Variants in WNK2 observed in about 807,000 individuals in gnomAD.
The protein encoded by WNK2 is WNK lysine deficient protein kinase 2.
A neutral mutation model predicts 192.1 loss-of-function variants in WNK2; 67 were observed. The ratio of observed to expected loss-of-function variants is 0.35; its 90% CI spans 0.29 to 0.43. The LOEUF is 0.43. Among genes scored for constraint, WNK2 ranks in the 20% least tolerant of loss-of-function variants. The pLI is 1.00. For synonymous variants in WNK2, 1,439 were observed against 1,393.9 expected, an observed-to-expected ratio of 1.03 and a Z score of -0.72; for missense variants, 2,698 against 3,089.7, an observed-to-expected ratio of 0.87 and a Z score of 3.01.
chr9:93,198,364 CAGG>C (rs1281907878), intron 2 of WNK2, among the ~76,000 whole-genome samples: 3 of 152,218 alleles, frequency 2.0e-5, no homozygotes, highest in African/African-American at 7.2e-5. Flanking sequence ...GGCTTGCTGG[CAGG>C]AGGAGGCTGA....
intron 19 of WNK2, among the ~76,000 whole-genome samples, chr9:93,280,621 C>G (rs528913733): frequency 6.6e-6 from 1 of 152,164 alleles, no homozygotes; most frequent in Non-Finnish European, 1.5e-5. Flanking sequence ...CTTCACATTT[C>G]TTGAGTTGAA....
intron 28 of WNK2, chr9:93,309,027 C>A: frequency 3.0e-6 from 3 of 1,000,038 alleles, no homozygotes; most frequent in Non-Finnish European, 3.6e-6. Flanking sequence ...GCACCTGAGC[C>A]AATGTGGGGC....
intron 19 of WNK2, 138 bp from the exon 20 acceptor site, chr9:93,288,650 C>A (rs943745365): frequency 2.2e-6 from 2 of 898,672 alleles, no homozygotes; most frequent in Non-Finnish European, 3.3e-6. Context: ...AGGCAGGAGC[C>A]TGGCGTGTCG....
At chr9:93,319,532 G>T (rs565268408) in intron 29 of WNK2, among the ~76,000 whole-genome samples, 4 of 152,360 alleles carry the variant, frequency 2.6e-5, no homozygotes, top group African/African-American at 9.6e-5. Flanking sequence ...CAGTGCCACG[G>T]GCTGTGACCA....
At position 93,299,272 on chromosome 9, in the gene WNK2, G is replaced by T; in HGVS notation, c.6115+11G>T. The T allele has an allele frequency of 6.4e-7, 1 of 1,553,136 alleles. No individual in the cohort carries two copies. The highest frequency in any genetic ancestry group is 1.8e-5 in the Admixed American group (1 of 55,896). ...GAGCGCGTGGCCAAGGTGATTTCCAGCTTGCCTGTCTCCGAGCATGTGCTA... is the reference window on the plus strand; with the variant it reads ...GAGCGCGTGGCCAAGGTGATTTCCATCTTGCCTGTCTCCGAGCATGTGCTA... On this transcript the variant is annotated intron_variant, in intron 25 of 29. Transcript: ENST00000427277.
chr9:93,289,066 G>C lies in WNK2; in HGVS notation c.4312G>C (p.Glu1438Gln). 2 of 1,607,338 alleles carry C rather than the reference G, an allele frequency of 1.2e-6. No individual in the cohort carries two copies. The highest frequency in any genetic ancestry group is 1.7e-6 in the Non-Finnish European group (2 of 1,177,430). The change falls in exon 20 of 30, where the codon GAG becomes CAG. Residue 1438 changes from glutamate to glutamine, a missense_variant. Around this residue, in one of 7 missense-constraint regions of WNK2, gnomAD observed 1,098 missense variants for 1,101.0 expected, o/e 1.00. Transcript: ENST00000427277. ...GCTCGAGACGTCTCAGCCACTAGCG[G>C]AGACTCACGAGGCCCCGCTTGCTGT... ...SELETSQPLA[E>Q]THEAPLAVQP... is the part of the protein sequence containing the mutation.
intron 26 of WNK2, among the ~76,000 whole-genome samples, chr9:93,302,757 G>A (rs1162642500): frequency 6.6e-6 from 1 of 152,146 alleles, no homozygotes; most frequent in African/African-American, 2.4e-5. Flanking sequence ...AAGCAGTGGA[G>A]GCTGGGAGCA....
At chr9:93,303,797 G>C (rs900087173) in intron 26 of WNK2, among the ~76,000 whole-genome samples, 1 of 152,228 alleles carries the variant, frequency 6.6e-6, no homozygotes, top group African/African-American at 2.4e-5. Flanking sequence ...GGCAGATCCT[G>C]CTTCCCAATG....
chr9:93,248,663 A>G (rs966896720), intron 8 of WNK2, among the ~76,000 whole-genome samples: 7 of 152,208 alleles, frequency 4.6e-5, no homozygotes, highest in Non-Finnish European at 1.0e-4. Flanking sequence ...CATTTTCAGT[A>G]GGGTGTTACT....
At chr9:93,278,880 C>G (rs1847321436) in intron 19 of WNK2, among the ~76,000 whole-genome samples, 1 of 152,134 alleles carries the variant, frequency 6.6e-6, no homozygotes, top group Non-Finnish European at 1.5e-5. Context: ...CAAAGAAAAA[C>G]AATTCATATG....
intron 23 of WNK2, among the ~76,000 whole-genome samples, chr9:93,294,295 TGAG>T (rs1248693915): frequency 1.3e-5 from 2 of 152,102 alleles, no homozygotes; most frequent in Non-Finnish European, 2.9e-5. Context: ...CGTGGAGAAC[TGAG>T]GAGGGAACTG....
chr9:93,225,909 GTGTTA>G (rs1297045020), intron 2 of WNK2, among the ~76,000 whole-genome samples: 93 of 73,570 alleles, frequency 1.3e-3, no homozygotes, highest in African/African-American at 4.9e-3. Flanking sequence ...TCTTTCTGTT[GTGTTA>G]TGTTGTGTTG....
intron 28 of WNK2, chr9:93,316,369 GGGTGA>G (rs1854664143): frequency 6.6e-6 from 1 of 152,192 alleles, no homozygotes; most frequent in Admixed American, 6.5e-5. Context: ...TTGATTATCT[GGGTGA>G]GGTTTGACAT....
Position 93,317,843 on chromosome 9 carries a change from C to CACGT in WNK2, c.6628+214_6628+217dup, listed in dbSNP as rs1855005578. ...GCATGCCTGGCCCCCGGCTGCGGAT[C>CACGT]ACGTAGCCTTCTGCCCTGTCCCTTG... On this transcript the variant is annotated intron_variant, in intron 29 of 29. Transcript: ENST00000427277. 2.6e-6 allele frequency: 4 copies of CACGT among 1,519,178 alleles called. No homozygotes were observed. In the Admixed American group the frequency reaches 6.2e-5, roughly 24 times the overall value. 94.1% of individuals were successfully genotyped at this position (1,519,178 alleles called of 1,614,324 possible).
intron 28 of WNK2, chr9:93,316,557 T>A (rs1854703308): frequency 6.6e-6 from 1 of 151,920 alleles, no homozygotes; most frequent in Non-Finnish European, 1.5e-5. Flanking sequence ...TCCAGCTTCC[T>A]GTTGCTAGAA....
At chr9:93,265,803 G>A (rs906876921) in intron 16 of WNK2, among the ~76,000 whole-genome samples, 1 of 152,202 alleles carries the variant, frequency 6.6e-6, no homozygotes, top group African/African-American at 2.4e-5. Flanking sequence ...AGCCTGTGTC[G>A]TGTCCACTGG....
chr9:93,272,235 T>A (rs1846101509), intron 19 of WNK2, among the ~76,000 whole-genome samples: 2 of 152,226 alleles, frequency 1.3e-5, no homozygotes, highest in African/African-American at 4.8e-5. Flanking sequence ...CTCCTCGAGT[T>A]CTTTAAAACA....
At chr9:93,225,380 A>C (rs1302727067) in intron 2 of WNK2, among the ~76,000 whole-genome samples, 1 of 152,210 alleles carries the variant, frequency 6.6e-6, no homozygotes, top group South Asian at 2.1e-4. Flanking sequence ...TGGGTGACAG[A>C]GTGAGACCCT....
intron 14 of WNK2, chr9:93,263,206 C>T: frequency 2.5e-6 from 1 of 401,700 alleles, no homozygotes; most frequent in Non-Finnish European, 4.6e-6. Flanking sequence ...TGGCATTTTG[C>T]AAACTGCAAA....
Sources: gnomAD v4.1 joint callset for allele counts (sites outside exome capture counted in the v4.1 genomes callset) on GRCh38, gnomAD v4.1.1 for gene constraint, gnomAD v4.1.1 regional missense constraint, MANE v1.5 for transcripts, NCBI Gene and HGNC (gene_info 2026-07-23, HGNC 2026-07-21) for gene names.